DNAAF10: variants seen among roughly 807,000 people sequenced by gnomAD.
The protein encoded by DNAAF10 is dynein axonemal assembly factor 10, also known as WD repeat domain 92.
Under a neutral mutation model 43.7 loss-of-function variants are expected in DNAAF10, and 28 were observed. The ratio of observed to expected loss-of-function variants is 0.64; its 90% CI spans 0.48 to 0.88. The LOEUF (loss-of-function observed/expected upper bound fraction) is 0.88. DNAAF10 is among the 40% of genes least tolerant of loss of function. The pLI is 0.00. For synonymous variants in DNAAF10, 156 were observed against 157.3 expected (o/e 0.99, Z 0.06); for missense variants, 403 against 439.1 (o/e 0.92, Z 0.73).
chr2:68,142,845 C>A lies in DNAAF10; in HGVS notation c.416-1050G>T, dbSNP rs1673222186. 4.0e-5 allele frequency among the ~76,000 whole-genome samples: 6 copies of A among 151,814 alleles called. No homozygotes were observed. In the South Asian group the frequency reaches 1.2e-3, roughly 32 times the overall value. Reference sequence around the variant, plus strand: ...TGGAGGTACAACATTAGATTTATCTCCAGGGATAAAATAAAGTTGATCATT... The same window carrying A: ...TGGAGGTACAACATTAGATTTATCTACAGGGATAAAATAAAGTTGATCATT... On this transcript the variant is annotated intron_variant, in intron 3 of 7. Transcript: ENST00000295121.
chr2:68,142,821 G>A (rs369922961), intron 3 of DNAAF10, among the ~76,000 whole-genome samples: 2 of 152,170 alleles, frequency 1.3e-5, no homozygotes, highest in South Asian at 2.1e-4. Flanking sequence ...CAGGAAAGGT[G>A]GAGGTACAAC....
chr2:68,134,421 A>G, intron 7 of DNAAF10: 1 of 1,204,190 alleles, frequency 8.3e-7, no homozygotes, highest in Non-Finnish European at 1.0e-6. Flanking sequence ...ACTTCAAGAT[A>G]GTATCTGATA....
At chr2:68,150,726 C>A (rs185727217) in intron 1 of DNAAF10, among the ~76,000 whole-genome samples, 51 of 151,830 alleles carry the variant, frequency 3.4e-4, no homozygotes, top group African/African-American at 1.2e-3. Context: ...GAGAGAGACT[C>A]CGTCTCAAAA....
intron 2 of DNAAF10, among the ~76,000 whole-genome samples, chr2:68,145,329 G>C (rs1438862444): frequency 1.3e-5 from 2 of 152,096 alleles, no homozygotes; most frequent in East Asian, 3.8e-4. Context: ...AAAAATATGG[G>C]AGGTGAATAG....
chr2:68,150,825 G>A (rs775461279), intron 1 of DNAAF10, among the ~76,000 whole-genome samples: 2 of 152,160 alleles, frequency 1.3e-5, no homozygotes, highest in South Asian at 2.1e-4. Context: ...TGTAAAAATC[G>A]GAATCTCTAT....
intron 1 of DNAAF10, among the ~76,000 whole-genome samples, chr2:68,150,704 G>C (rs1673435462): frequency 6.6e-6 from 1 of 152,110 alleles, no homozygotes. Flanking sequence ...CCGCACTCCA[G>C]CCTGGGCGAC....
intron 2 of DNAAF10, among the ~76,000 whole-genome samples, chr2:68,146,307 T>C (rs1673315508): frequency 6.6e-6 from 1 of 152,214 alleles, no homozygotes; most frequent in Non-Finnish European, 1.5e-5. Context: ...AGTTTAGAAA[T>C]GACATTTATC....
chr2:68,150,038 C>CTAAA (rs1470402312), intron 1 of DNAAF10, among the ~76,000 whole-genome samples: 1 of 152,214 alleles, frequency 6.6e-6, no homozygotes. Flanking sequence ...CACCAACCAG[C>CTAAA]TAAAGCATTC....
chr2:68,154,385 TAC>T (rs1673534408), intron 1 of DNAAF10, among the ~76,000 whole-genome samples: 3 of 152,158 alleles, frequency 2.0e-5, no homozygotes, highest in Non-Finnish European at 4.4e-5. Flanking sequence ...TAGCTGGGAC[TAC>T]AGGCGCCCGC....
At chr2:68,143,414 C>T (rs1257909662) in intron 3 of DNAAF10, among the ~76,000 whole-genome samples, 1 of 152,084 alleles carries the variant, frequency 6.6e-6, no homozygotes, top group Non-Finnish European at 1.5e-5. Context: ...AACTCCTGGT[C>T]TCAAGTTATC....
At chr2:68,148,060 G>A (rs1000329472) in intron 1 of DNAAF10, among the ~76,000 whole-genome samples, 1 of 152,146 alleles carries the variant, frequency 6.6e-6, no homozygotes, top group African/African-American at 2.4e-5. Flanking sequence ...GTACCAAGGC[G>A]CTACTATTAG....
At chr2:68,150,522 C>T (rs1267477248) in intron 1 of DNAAF10, among the ~76,000 whole-genome samples, 2 of 152,152 alleles carry the variant, frequency 1.3e-5, no homozygotes, top group Non-Finnish European at 2.9e-5. Flanking sequence ...CACCTGAGGT[C>T]AGGAGTTCAA....
chr2:68,134,015 G>T, intron 7 of DNAAF10: 1 of 533,496 alleles, frequency 1.9e-6, no homozygotes, highest in South Asian at 8.2e-5. Context: ...TGATGTTTAA[G>T]AAAGATATAA....
intron 7 of DNAAF10, among the ~76,000 whole-genome samples, 153 bp from the exon 8 acceptor site, chr2:68,131,598 A>G (rs912708673): frequency 2.6e-5 from 4 of 152,234 alleles, no homozygotes; most frequent in Non-Finnish European, 5.9e-5. Context: ...TTTGCAAATA[A>G]AGAGACAATT....
chr2:68,131,556 A>C, intron 7 of DNAAF10, 111 bp from the exon 8 acceptor site: 1 of 1,008,370 alleles, frequency 9.9e-7, no homozygotes, highest in African/African-American at 1.6e-5. Context: ...GGGACTAATA[A>C]ATACTTAAAG....
Position 68,138,063 on chromosome 2 carries a change from T to C in DNAAF10, c.634-630A>G, listed in dbSNP as rs542044296. Among the ~76,000 whole-genome samples, 150 of 150,714 alleles carry C rather than the reference T, an allele frequency of 1.0e-3. 2 individuals carry two copies. The highest frequency in any genetic ancestry group is 3.5e-3 in the African/African-American group (145 of 40,964). ...GGTGACAGGCGCCTGTAGTCCCAGT[T>C]ACTCGGGAGGCTGAGGCAGGAGAAT... On this transcript the variant is annotated intron_variant, in intron 5 of 7. Transcript: ENST00000295121.
intron 2 of DNAAF10, among the ~76,000 whole-genome samples, 160 bp from the exon 3 acceptor site, chr2:68,144,875 C>T (rs1673278493): frequency 6.6e-6 from 1 of 152,126 alleles, no homozygotes; most frequent in Non-Finnish European, 1.5e-5. Context: ...GAAATTTTCT[C>T]TCCATTCAAC....
At chr2:68,156,184 A>G (rs749734182) in intron 1 of DNAAF10, among the ~76,000 whole-genome samples, 1 of 152,130 alleles carries the variant, frequency 6.6e-6, no homozygotes, top group Admixed American at 6.6e-5. Flanking sequence ...AAAGGTAGAA[A>G]AAAATAAGCC....
chr2:68,153,830 C>A (rs1673518820), intron 1 of DNAAF10, among the ~76,000 whole-genome samples: 1 of 141,464 alleles, frequency 7.1e-6, no homozygotes, highest in South Asian at 2.4e-4. Context: ...CGGCTCACTG[C>A]AACTTCTGCC....
Sources: allele counts gnomAD v4.1 joint callset (sites outside exome capture counted in the v4.1 genomes callset), GRCh38; gene constraint gnomAD v4.1.1; transcripts MANE v1.5; gene names NCBI Gene and HGNC (gene_info 2026-07-23, HGNC 2026-07-21).